The following GPC5 variants were observed in gnomAD, a reference collection of about 807,000 sequenced individuals.
GPC5 encodes the protein glypican 5.
In GPC5, 47 loss-of-function variants were observed where a neutral mutation model predicts 53.9. The observed-to-expected ratio is 0.87, with a 90% CI of 0.69 to 1.11. The LOEUF is 1.11. GPC5 is among the 50% of genes most tolerant of loss of function. The probability of loss-of-function intolerance (pLI) is 0.00; values close to 1 mark genes in which losing one functional copy is unlikely to be tolerated. For synonymous variants in GPC5, 286 were observed against 263.3 expected, an observed-to-expected ratio of 1.09 and a Z score of -0.84; for missense variants, 748 against 713.1, an observed-to-expected ratio of 1.05 and a Z score of -0.56.
intron 5 of GPC5, among the ~76,000 whole-genome samples, chr13:91,831,131 T>C (rs1329307390): frequency 1.4e-5 from 2 of 145,902 alleles, no homozygotes; most frequent in Non-Finnish European, 3.0e-5. Context: ...TATATGAGTT[T>C]ATTAAGTATT....
chr13:92,420,205 A>T (rs1370005783), intron 7 of GPC5, among the ~76,000 whole-genome samples: 2 of 152,180 alleles, frequency 1.3e-5, no homozygotes, highest in African/African-American at 4.8e-5. Flanking sequence ...TGAAAATTTC[A>T]TTGTTTAGCA....
intron 2 of GPC5, among the ~76,000 whole-genome samples, chr13:91,569,610 A>C (rs2031691865): frequency 6.6e-6 from 1 of 152,148 alleles, no homozygotes; most frequent in South Asian, 2.1e-4. Context: ...TAACAAAATA[A>C]TTGCTATAAT....
chr13:91,469,198 T>C (rs1366293977), intron 2 of GPC5, among the ~76,000 whole-genome samples: 3 of 152,042 alleles, frequency 2.0e-5, no homozygotes, highest in Non-Finnish European at 4.4e-5. Flanking sequence ...AATCTCTGCC[T>C]CCCGCATTCA....
intron 7 of GPC5, among the ~76,000 whole-genome samples, chr13:92,678,715 C>T (rs943793996): frequency 2.0e-5 from 3 of 152,076 alleles, no homozygotes; most frequent in African/African-American, 4.8e-5. Context: ...CTACAGAAGG[C>T]AATAGAGGCT....
In GPC5 at chr13:91,432,217, G is replaced by A. The variant is rs1328767928; in HGVS notation, c.164-16544G>A. Among the ~76,000 whole-genome samples, 396 of 143,508 alleles carry A rather than the reference G, an allele frequency of 2.8e-3. 12 individuals carry two copies. In the South Asian group the frequency reaches 0.075, roughly 27 times the overall value. The allele number at this position is 143,508 out of a possible 152,430, so 94.1% of individuals were successfully genotyped here. ...TGCTGCTGCTGCTGTGTGTGTGTGTGTGTGTGTGTGTGTGTGTGTGTGTGT... is the reference window on the plus strand; with the variant it reads ...TGCTGCTGCTGCTGTGTGTGTGTGTATGTGTGTGTGTGTGTGTGTGTGTGT... On this transcript the variant is annotated intron_variant, in intron 1 of 7. Transcript: ENST00000377067.
chr13:91,535,198 C>T (rs890728592), intron 2 of GPC5, among the ~76,000 whole-genome samples: 1 of 152,288 alleles, frequency 6.6e-6, no homozygotes, highest in Admixed American at 6.5e-5. Context: ...ACATTTGTTA[C>T]ATATGATTTA....
intron 4 of GPC5, among the ~76,000 whole-genome samples, chr13:91,752,481 A>G (rs570153381): frequency 1.3e-5 from 2 of 152,326 alleles, no homozygotes; most frequent in East Asian, 3.9e-4. Flanking sequence ...ACAATTTAGT[A>G]CATAATAATT....
chr13:92,753,958 A>T (rs1384196649), intron 7 of GPC5, among the ~76,000 whole-genome samples: 1 of 150,106 alleles, frequency 6.7e-6, no homozygotes, highest in Non-Finnish European at 1.5e-5. Context: ...GCCAACGTTC[A>T]GATTCAGGAA....
At chr13:92,520,385 A>G (rs1475841119) in intron 7 of GPC5, among the ~76,000 whole-genome samples, 1 of 152,202 alleles carries the variant, frequency 6.6e-6, no homozygotes, top group African/African-American at 2.4e-5. Context: ...CCTCAATAAG[A>G]TACTGGCAAA....
chr13:91,704,155 C>T (rs2139869340), intron 3 of GPC5, among the ~76,000 whole-genome samples: 1 of 152,050 alleles, frequency 6.6e-6, no homozygotes, highest in South Asian at 2.1e-4. Context: ...TAATATGTAC[C>T]TTTTTATCTA....
At chr13:91,653,947 C>T (rs1012784294) in intron 2 of GPC5, among the ~76,000 whole-genome samples, 1 of 152,136 alleles carries the variant, frequency 6.6e-6, no homozygotes, top group African/African-American at 2.4e-5. Context: ...ACAATTTTCT[C>T]GTGTCCCTTT....
At chr13:92,030,878 T>A (rs1236659264) in intron 6 of GPC5, among the ~76,000 whole-genome samples, 1 of 152,130 alleles carries the variant, frequency 6.6e-6, no homozygotes, top group Non-Finnish European at 1.5e-5. Flanking sequence ...CTCTGCTGAG[T>A]TTTTTTCTTT....
intron 7 of GPC5, among the ~76,000 whole-genome samples, chr13:92,268,762 A>G (rs1001348735): frequency 1.3e-5 from 2 of 152,086 alleles, no homozygotes; most frequent in African/African-American, 4.8e-5. Flanking sequence ...TTTATGTCTA[A>G]ACAGTATCAG....
Position 92,284,640 on chromosome 13 carries a change from A to G in GPC5, c.1561+139651A>G, listed in dbSNP as rs541500835. Among the ~76,000 whole-genome samples the G allele has an allele frequency of 4.2e-3, 644 of 152,228 alleles. 5 individuals carry two copies. Among genetic ancestry groups the G allele is most frequent in the African/African-American group, 0.015 (612 of 41,520 alleles). On this transcript the variant is annotated intron_variant, in intron 7 of 7. Transcript: ENST00000377067. ...ATATAAACAGAACCAAAGACAAAAA[A>G]CACATGATTATCTCAATAGATGCAG...
At chr13:91,781,117 C>A (rs2037791880) in intron 5 of GPC5, among the ~76,000 whole-genome samples, 2 of 152,194 alleles carry the variant, frequency 1.3e-5, no homozygotes, top group African/African-American at 4.8e-5. Flanking sequence ...TGCTTGTGCA[C>A]AAGTGCACAA....
At chr13:92,358,705 G>A (rs560885551) in intron 7 of GPC5, among the ~76,000 whole-genome samples, 23 of 151,866 alleles carry the variant, frequency 1.5e-4, no homozygotes, top group Admixed American at 6.5e-4. Context: ...TACACCCTTG[G>A]GAGAAGTGGC....
chr13:92,660,681 A>G (rs1488470539), intron 7 of GPC5, among the ~76,000 whole-genome samples: 1 of 151,810 alleles, frequency 6.6e-6, no homozygotes, highest in Admixed American at 6.6e-5. Context: ...GCTATTTTGC[A>G]TATTGCATTT....
At chr13:91,640,757 C>A (rs1594367836) in intron 2 of GPC5, among the ~76,000 whole-genome samples, 3 of 151,474 alleles carry the variant, frequency 2.0e-5, no homozygotes, top group African/African-American at 7.3e-5. Flanking sequence ...CAAGATCGCA[C>A]CACTGCACTC....
Position 91,752,178 on chromosome 13 carries a change from T to C in GPC5, c.1155-4117T>C, listed in dbSNP as rs114335354. The stretch of plus-strand genomic sequence containing the variant: ...CATATTGGATTAGCATCTACCCATA[T>C]GAACTCATTTAATTCTAATTATTTT... On this transcript the variant is annotated intron_variant, in intron 4 of 7. Transcript: ENST00000377067. Among the ~76,000 whole-genome samples the C allele has an allele frequency of 6.5e-3, 992 of 152,322 alleles. 15 individuals are homozygous for C. The highest frequency in any genetic ancestry group is 0.023 in the African/African-American group (961 of 41,566).
Sources: allele counts gnomAD v4.1 joint callset (sites outside exome capture counted in the v4.1 genomes callset), GRCh38; gene constraint gnomAD v4.1.1; transcripts MANE v1.5; gene names NCBI Gene and HGNC (gene_info 2026-07-23, HGNC 2026-07-21).